Variants in ZNF777 observed in about 807,000 individuals in gnomAD.
ZNF777 encodes the protein zinc finger protein 777.
A neutral mutation model predicts 72.1 loss-of-function variants in ZNF777; 7 were observed. That is an observed-to-expected ratio of 0.10 (90% CI 0.06 to 0.18). The LOEUF (loss-of-function observed/expected upper bound fraction) is 0.18, where lower values mean the gene tolerates loss of function less well. Among genes scored for constraint, ZNF777 ranks in the 10% least tolerant of loss-of-function variants. The pLI, the probability that ZNF777 is intolerant of heterozygous loss-of-function variation, is 1.00. For missense variants in ZNF777, 828 were observed against 1,128.6 expected, an observed-to-expected ratio of 0.73 and a Z score of 3.82; for synonymous variants, 545 against 483.5, an observed-to-expected ratio of 1.13 and a Z score of -1.67.
intron 1 of ZNF777, among the ~76,000 whole-genome samples, chr7:149,457,386 T>A (rs1799853492): frequency 6.6e-6 from 1 of 152,248 alleles, no homozygotes; most frequent in Admixed American, 6.5e-5. Flanking sequence ...AAGTGGTCTT[T>A]AATTAAAATT....
chr7:149,443,003 C>T (rs1299890019), intron 4 of ZNF777, among the ~76,000 whole-genome samples: 5 of 152,094 alleles, frequency 3.3e-5, no homozygotes, highest in Non-Finnish European at 7.4e-5. Context: ...AAGGGATTTG[C>T]CAGGATCTAT....
intron 3 of ZNF777, among the ~76,000 whole-genome samples, chr7:149,452,499 G>A (rs1219615573): frequency 6.6e-6 from 1 of 151,042 alleles, no homozygotes; most frequent in Non-Finnish European, 1.5e-5. Flanking sequence ...CAGGAGCAGT[G>A]GAAGGTGCCT....
Position 149,449,214 on chromosome 7 carries a change from T to A in ZNF777, c.1087+1785A>T, listed in dbSNP as rs552730754. 3.2e-4 allele frequency among the ~76,000 whole-genome samples: 49 copies of A among 152,220 alleles called. No homozygotes were observed. The East Asian group carries it at 8.3e-3, about 26-fold the overall frequency. On this transcript the variant is annotated intron_variant, in intron 4 of 5. Coordinates refer to ENST00000247930, the MANE Select transcript of ZNF777 (RefSeq NM_015694.3). ...ACTCTGAGGGGCAGCGGTACCTATG[T>A]CCTCCCCTTTCCTCCCACTGCAGAC... is the stretch of plus-strand genomic sequence containing the variant.
chr7:149,440,777 G>A (rs1799501599), intron 4 of ZNF777, among the ~76,000 whole-genome samples: 1 of 150,288 alleles, frequency 6.7e-6, no homozygotes, highest in Non-Finnish European at 1.5e-5. Flanking sequence ...GACAAGAAGA[G>A]ATGGACTAAG....
At position 149,434,474 on chromosome 7, in the gene ZNF777, C is replaced by T. The variant is rs149183632; in HGVS notation, c.1340-1542G>A. On this transcript the variant is annotated intron_variant, in intron 5 of 5. Transcript: ENST00000247930. The stretch of plus-strand genomic sequence containing the variant: ...GCTGCAGAGTGTGGTAACTAGTTGC[C>T]CTGGTGTTTATCCTGAAAATACTGA... Among the ~76,000 whole-genome samples, 671 of 152,160 alleles carry T rather than the reference C, an allele frequency of 4.4e-3. 3 individuals carry two copies. Among genetic ancestry groups the T allele is most frequent in the African/African-American group, 0.015 (637 of 41,504 alleles).
In ZNF777 at chr7:149,448,583, A is replaced by AAC. The variant is rs1799656341; in HGVS notation, c.1087+2415_1087+2416insGT. Reference sequence around the variant, plus strand: ...GTTATATAGTTATACATATAACTATATATATATATATATATATATATATAT... The same window carrying AAC: ...GTTATATAGTTATACATATAACTATAACTATATATATATATATATATATATAT... On this transcript the variant is annotated intron_variant, in intron 4 of 5. Transcript: ENST00000247930. Among the ~76,000 whole-genome samples, 42 of 19,010 alleles carry AAC rather than the reference A, an allele frequency of 2.2e-3. No individual in the cohort carries two copies. In the South Asian group the frequency reaches 0.05, roughly 23 times the overall value. 12.5% of individuals were successfully genotyped at this position (19,010 alleles called of 152,430 possible).
At position 149,455,105 on chromosome 7, in the gene ZNF777, T is replaced by G. The variant is rs760225670; in HGVS notation, c.846+72A>C. The G allele has an allele frequency of 2.0e-6, 3 of 1,515,842 alleles. No individual in the cohort carries two copies. Among genetic ancestry groups the G allele is most frequent in the Middle Eastern group, 1.8e-4 (1 of 5,654 alleles). 93.9% of individuals were successfully genotyped at this position (1,515,842 alleles called of 1,614,324 possible). A position where few individuals can be genotyped will look rare whatever the true frequency, so the allele number is the denominator to read the frequency against. On this transcript the variant is annotated intron_variant, in intron 2 of 5. Coordinates refer to ENST00000247930, the MANE Select transcript of ZNF777 (RefSeq NM_015694.3). This position sits in a 1 kb window ranked among gnomAD's most constrained non-coding sequence, Gnocchi z 4.2. ...TTATCAACCACCCCTTTCTTTCATA[T>G]TACACTACATTCCTAAACCACACTC...
At chr7:149,440,692 T>TG (rs1799500072) in intron 4 of ZNF777, among the ~76,000 whole-genome samples, 1 of 144,530 alleles carries the variant, frequency 6.9e-6, no homozygotes, top group African/African-American at 2.6e-5. Context: ...TTTTTTTTTT[T>TG]AAATAATGGG....
In ZNF777 at chr7:149,455,993, C is replaced by T. The variant is rs376056761; in HGVS notation, c.30G>A (p.Ser10=). MENQRSSPL[S]FPSVPQEETL... is the part of the protein sequence containing the mutation. The stretch of plus-strand genomic sequence containing the variant: ...TTTCTTCTTGTGGAACACTGGGGAA[C>T]GACAGAGGTGATGAGCGTTGGTTCT... Residue 10 remains serine (S), a synonymous_variant, in exon 2 of 6, where the codon TCG becomes TCA. Transcript: ENST00000247930. This position sits in a 1 kb window ranked among gnomAD's most constrained non-coding sequence, Gnocchi z 4.2. 409 of 1,600,068 alleles carry T rather than the reference C, an allele frequency of 2.6e-4. 1 individual carries two copies. In the African/African-American group the frequency reaches 4.5e-3, roughly 18 times the overall value.
At chr7:149,444,099 C>T (rs12668684) in intron 4 of ZNF777, among the ~76,000 whole-genome samples, 25,709 of 152,058 alleles carry the variant, frequency 0.17, 2,688 homozygotes, top group East Asian at 0.44. Flanking sequence ...CCATCTCCTC[C>T]GAACTGATCC....
intron 4 of ZNF777, among the ~76,000 whole-genome samples, chr7:149,444,157 T>C (rs1396040907): frequency 6.6e-6 from 1 of 152,226 alleles, no homozygotes; most frequent in African/African-American, 2.4e-5. Flanking sequence ...TACTGGGTGT[T>C]TACCTCGCTA....
At chr7:149,449,290 C>A (rs568249786) in intron 4 of ZNF777, among the ~76,000 whole-genome samples, 1 of 152,234 alleles carries the variant, frequency 6.6e-6, no homozygotes, top group Non-Finnish European at 1.5e-5. Flanking sequence ...TTCAGCCACA[C>A]AAGGAGGCCT....
Position 149,431,497 on chromosome 7 carries a change from C to CTGA in ZNF777, c.*276_*278dup. 1 of 451,684 alleles carries CTGA rather than the reference C, an allele frequency of 2.2e-6. No homozygotes were observed. Among genetic ancestry groups the CTGA allele is most frequent in the Non-Finnish European group, 4.4e-6 (1 of 225,608 alleles). 28.0% of individuals were successfully genotyped at this position (451,684 alleles called of 1,614,324 possible). On this transcript the variant is annotated 3_prime_UTR_variant, in exon 6 of 6. Transcript: ENST00000247930. Reference sequence around the variant, plus strand: ...CGGCGGCCAAATCACGCCCCCCGTGCTGATTGGTTTCATCCATTTTATTGT... The same window carrying CTGA: ...CGGCGGCCAAATCACGCCCCCCGTGCTGATGATTGGTTTCATCCATTTTATTGT...
At position 149,432,667 on chromosome 7, in the gene ZNF777, C is replaced by T; in HGVS notation, c.1605G>A (p.Gln535=). 1 of 1,613,332 alleles carries T rather than the reference C, an allele frequency of 6.2e-7. No individual in the cohort carries two copies. The highest frequency in any genetic ancestry group is 8.5e-7 in the Non-Finnish European group (1 of 1,179,696). The change falls in exon 6 of 6, where the codon CAG becomes CAA. Residue 535 remains glutamine, a synonymous_variant. Coordinates refer to ENST00000247930, the MANE Select transcript of ZNF777 (RefSeq NM_015694.3). ...GCTCGCCGCGCCGGTTCCGCTGCTG[C>T]TGGCTCGAGGCCCCGCGGTTCTCGC... The part of the protein sequence containing the change: ...HLSENRGASS[Q]QQRNRRGERP...
chr7:149,440,666 T>TTG (rs1799497433), intron 4 of ZNF777, among the ~76,000 whole-genome samples: 13 of 83,476 alleles, frequency 1.6e-4, no homozygotes, highest in African/African-American at 8.9e-4. Flanking sequence ...CAGCCTGTTG[T>TTG]TTTTTTGTTT....
chr7:149,438,073 G>A (rs1799449156), intron 4 of ZNF777, among the ~76,000 whole-genome samples: 1 of 151,862 alleles, frequency 6.6e-6, no homozygotes. Context: ...TAGAGACGGG[G>A]TTTCACCGTG....
intron 4 of ZNF777, among the ~76,000 whole-genome samples, chr7:149,444,088 A>G (rs1799567904): frequency 6.6e-6 from 1 of 152,142 alleles, no homozygotes; most frequent in South Asian, 2.1e-4. Flanking sequence ...GACGGTCAGA[A>G]CCATCTCCTC....
chr7:149,452,197 G>A (rs1015872242), intron 3 of ZNF777, among the ~76,000 whole-genome samples: 10 of 151,760 alleles, frequency 6.6e-5, no homozygotes, highest in African/African-American at 1.5e-4. Context: ...CCCGGGAGGC[G>A]GAGCGTGCAG....
rs527968852 is a variant in ZNF777 at position 149,432,358 on chromosome 7, G to A, written c.1914C>T (p.Cys638=). Residue 638 remains cysteine (C), a synonymous_variant, in exon 6 of 6, where the codon TGC becomes TGT. Coordinates refer to ENST00000247930, the MANE Select transcript of ZNF777 (RefSeq NM_015694.3). ...SGGGGPKPYK[C]PECDSSFSHK... is the part of the protein sequence containing the mutation. ...GGCTGAAGCTGCTGTCGCACTCGGG[G>A]CACTTGTAGGGCTTAGGGCCACCGC... The A allele has an allele frequency of 1.1e-5, 18 of 1,612,466 alleles. No individual in the cohort carries two copies. In the African/African-American group the frequency reaches 1.5e-4, roughly 13 times the overall value.
Sources: allele counts gnomAD v4.1 joint callset (sites outside exome capture counted in the v4.1 genomes callset), GRCh38; gene constraint gnomAD v4.1.1; non-coding constraint Gnocchi (gnomAD v3.1); transcripts MANE v1.5; gene names NCBI Gene and HGNC (gene_info 2026-07-23, HGNC 2026-07-21).